Variants in ZNF518A observed in about 807,000 individuals in gnomAD.
ZNF518A encodes the protein zinc finger protein 518A.
Under a neutral mutation model 102.7 loss-of-function variants are expected in ZNF518A, and 47 were observed. That is an observed-to-expected ratio of 0.46 (90% confidence interval 0.36 to 0.58). ZNF518A has a LOEUF of 0.58. ZNF518A is among the 20% of genes least tolerant of loss of function. The pLI, the probability that ZNF518A is intolerant of heterozygous loss-of-function variation, is 0.00. For synonymous variants in ZNF518A, 652 were observed against 594.6 expected (o/e 1.10, Z -1.40); for missense variants, 1,793 against 1,699.8 (o/e 1.05, Z -0.96).
chr10:96,203,251 T>G (rs1214053200), intron 1 of ZNF518A, among the ~76,000 whole-genome samples: 1 of 152,184 alleles, frequency 6.6e-6, no homozygotes, highest in African/African-American at 2.4e-5. Flanking sequence ...AAAAATAAAT[T>G]TCTGTAGCCA....
rs782372300 is a variant in ZNF518A at position 96,160,700 on chromosome 10, A to G, written c.4378A>G (p.Asn1460Asp). The G allele has an allele frequency of 5.6e-6, 9 of 1,612,540 alleles. No individual in the cohort carries two copies. Among genetic ancestry groups the G allele is most frequent in the Non-Finnish European group, 7.6e-6 (9 of 1,179,294 alleles). Residue 1460 changes from asparagine to aspartate, a missense_variant, in exon 6 of 6, where the codon AAT (asparagine) becomes GAT (aspartate). Physicochemically the swap from Asn to Asp is conservative, Grantham distance 23. Coordinates refer to ENST00000316045, the MANE Select transcript of ZNF518A (RefSeq NM_001330736.2). The part of the protein sequence containing the change: ...NCWFCGRVFD[N>D]QDTWAGHGQR... Reference sequence around the variant, plus strand: ...TTGGTTTTGTGGTAGAGTATTTGACAATCAGGATACTTGGGCTGGTCATGG... The same window carrying G: ...TTGGTTTTGTGGTAGAGTATTTGACGATCAGGATACTTGGGCTGGTCATGG...
chr10:96,165,126 C>T (rs2083116912), downstream of ZNF518A, among the ~76,000 whole-genome samples: 1 of 151,860 alleles, frequency 6.6e-6, no homozygotes, highest in Non-Finnish European at 1.5e-5. Context: ...AAAGAAGACC[C>T]ATTTATTTAT....
chr10:96,154,282 C>A (rs2082589608), intron 3 of ZNF518A, among the ~76,000 whole-genome samples: 1 of 152,100 alleles, frequency 6.6e-6, no homozygotes, highest in South Asian at 2.1e-4. Flanking sequence ...CTGCAGTGAG[C>A]CGTGATGGTG....
chr10:96,170,761 G>A (rs1591272445), intron 1 of ZNF518A, among the ~76,000 whole-genome samples: 2 of 152,182 alleles, frequency 1.3e-5, no homozygotes, highest in East Asian at 3.9e-4. Flanking sequence ...GAAAAATATT[G>A]CTTCAATGGA....
chr10:96,198,444 G>A (rs2083532443), intron 1 of ZNF518A, among the ~76,000 whole-genome samples: 1 of 152,098 alleles, frequency 6.6e-6, no homozygotes, highest in Non-Finnish European at 1.5e-5. Flanking sequence ...AATTGATTTG[G>A]AATTATCAAC....
chr10:96,182,377 G>A (rs1318103682), intron 1 of ZNF518A, among the ~76,000 whole-genome samples: 1 of 152,224 alleles, frequency 6.6e-6, no homozygotes, highest in Non-Finnish European at 1.5e-5. Flanking sequence ...TTGAATAGGA[G>A]TGGTGAGAAA....
At position 96,157,498 on chromosome 10, in the gene ZNF518A, G is replaced by T; in HGVS notation, c.1176G>T (p.Lys392Asn). ...AAGCCCCTGAATCAGAGTCAGAGAA[G>T]CCAACTCCTCTGTCCACTGGGCAAG... ...NDKAPESESE[K>N]PTPLSTGQGN... is the part of the protein sequence containing the mutation. The change falls in exon 6 of 6, where the codon AAG becomes AAT. Residue 392 changes from lysine to asparagine, a missense_variant. Lys to Asn is a moderately conservative substitution (Grantham distance 94, BLOSUM62 0). Around this residue, in one of 3 missense-constraint regions of ZNF518A, gnomAD observed 1,741 missense variants for 1,622.6 expected, o/e 1.07. Coordinates refer to ENST00000316045, the MANE Select transcript of ZNF518A (RefSeq NM_001330736.2). 1 of 1,613,812 alleles carries T rather than the reference G, an allele frequency of 6.2e-7. No homozygotes were observed. The highest frequency in any genetic ancestry group is 8.5e-7 in the Non-Finnish European group (1 of 1,179,782).
Position 96,200,587 on chromosome 10 carries a change from T to C in ZNF518A, n.36-2987T>C, listed in dbSNP as rs1554895872. On this transcript the variant is annotated intron_variant and non_coding_transcript_variant, in intron 1 of 2. Coordinates refer to the ZNF518A transcript ENST00000442635. This position sits in a 1 kb window ranked among gnomAD's most constrained non-coding sequence, Gnocchi z 4.3. ...TTTTACATTTTTACATATATTTGTA[T>C]GGAAACTTAGAAAGACTTGCCCAAG... Among the ~76,000 whole-genome samples, 7 of 152,268 alleles carry C rather than the reference T, an allele frequency of 4.6e-5. No homozygotes were observed.
In ZNF518A at chr10:96,157,966, A is replaced by C. The variant is rs782320906; in HGVS notation, c.1644A>C (p.Lys548Asn). 6.2e-7 allele frequency: 1 copy of C among 1,613,842 alleles called. No homozygotes were observed. ...NNMLQTMDYE[K>N]SVSSLSATSE... ...TGCTTCAAACAATGGATTATGAGAA[A>C]AGTGTATCTTCTTTGTCAGCAACAT... Residue 548 changes from lysine to asparagine, a missense_variant, in exon 6 of 6, where the codon AAA becomes AAC. Physicochemically the swap from Lys to Asn is moderately conservative, Grantham distance 94 (BLOSUM62 0). Transcript: ENST00000316045.
chr10:96,168,698 C>T (rs587601879), downstream of ZNF518A, among the ~76,000 whole-genome samples: 4 of 152,210 alleles, frequency 2.6e-5, no homozygotes, highest in South Asian at 2.1e-4. Flanking sequence ...ATCTGGCCTC[C>T]GTGATTTCTG....
chr10:96,159,960 C>A lies in ZNF518A; in HGVS notation c.3638C>A (p.Thr1213Lys), dbSNP rs1436177581. 26 of 1,613,496 alleles carry A rather than the reference C, an allele frequency of 1.6e-5. No individual in the cohort carries two copies. The highest frequency in any genetic ancestry group is 2.2e-5 in the Non-Finnish European group (26 of 1,179,676). ...GAAATTGTGATAACTTCTACTGCAA[C>A]ATGCCCAGAATCTTCTGAGGAACCA... ...ANEIVITSTA[T>K]CPESSEEPIC... Residue 1213 changes from threonine (T) to lysine (K), a missense_variant, in exon 6 of 6, where the codon ACA (threonine) becomes AAA (lysine). This residue lies in a region of ZNF518A where 1,741 missense variants were observed against 1,622.6 expected (regional missense o/e 1.07). Coordinates refer to ENST00000316045, the MANE Select transcript of ZNF518A (RefSeq NM_001330736.2).
chr10:96,161,053 T>G lies in ZNF518A; in HGVS notation c.*279T>G. The G allele has an allele frequency of 3.5e-6, 1 of 286,070 alleles. No homozygotes were observed. The highest frequency in any genetic ancestry group is 6.8e-6 in the Non-Finnish European group (1 of 146,962). 17.7% of individuals were successfully genotyped at this position (286,070 alleles called of 1,614,324 possible). A position where few individuals can be genotyped will look rare whatever the true frequency, so the allele number is the denominator to read the frequency against. Reference sequence around the variant, plus strand: ...TCGGGAAGTTAGGGCTAAAGAAAATTTTGATAAAACAATTTTCCCACTTTA... The same window carrying G: ...TCGGGAAGTTAGGGCTAAAGAAAATGTTGATAAAACAATTTTCCCACTTTA... On this transcript the variant is annotated 3_prime_UTR_variant, in exon 6 of 6. Transcript: ENST00000316045.
intron 1 of ZNF518A, among the ~76,000 whole-genome samples, chr10:96,185,081 C>T (rs1407656018): frequency 1.3e-5 from 2 of 152,142 alleles, no homozygotes; most frequent in African/African-American, 2.4e-5. Flanking sequence ...CCCTTTCTTC[C>T]CTTGATCGAA....
chr10:96,165,282 A>G (rs1380568598), downstream of ZNF518A, among the ~76,000 whole-genome samples: 1 of 152,058 alleles, frequency 6.6e-6, no homozygotes, highest in African/African-American at 2.4e-5. Context: ...TAATTTTCAT[A>G]TTTTTAGTAG....
intron 1 of ZNF518A, among the ~76,000 whole-genome samples, chr10:96,197,675 T>A (rs587702585): frequency 3.6e-4 from 55 of 152,208 alleles, no homozygotes; most frequent in Non-Finnish European, 6.6e-4. Context: ...AAAACTTTCA[T>A]TTTATATTTG....
chr10:96,157,110 C>G lies in ZNF518A; in HGVS notation c.788C>G (p.Thr263Ser), dbSNP rs1176473304. Residue 263 changes from threonine (T) to serine (S), a missense_variant, in exon 6 of 6, where the codon ACT becomes AGT. By Grantham distance (58) the Thr-to-Ser change is moderately conservative. Coordinates refer to ENST00000316045, the MANE Select transcript of ZNF518A (RefSeq NM_001330736.2). Reference sequence around the variant, plus strand: ...ATTCATTCTGGTACTTTTCCCTTCACTTGTCAATATTGTAGCTATGGTGCC... The same window carrying G: ...ATTCATTCTGGTACTTTTCCCTTCAGTTGTCAATATTGTAGCTATGGTGCC... ...LHIHSGTFPF[T>S]CQYCSYGATR... The G allele has an allele frequency of 6.2e-7, 1 of 1,613,820 alleles. No individual in the cohort carries two copies. Among genetic ancestry groups the G allele is most frequent in the Non-Finnish European group, 8.5e-7 (1 of 1,179,788 alleles).
At chr10:96,203,048 C>T (rs1392073216) in intron 1 of ZNF518A, among the ~76,000 whole-genome samples, 2 of 152,074 alleles carry the variant, frequency 1.3e-5, no homozygotes, top group Admixed American at 6.5e-5. Context: ...ATTATTTGTG[C>T]GTTTATTTTT....
intron 3 of ZNF518A, among the ~76,000 whole-genome samples, chr10:96,154,460 T>C (rs1460665808): frequency 6.7e-6 from 1 of 149,800 alleles, no homozygotes; most frequent in Non-Finnish European, 1.5e-5. Context: ...CCTGCCTTCT[T>C]TTCTTTTTTT....
At position 96,200,955 on chromosome 10, in the gene ZNF518A, T is replaced by G; in HGVS notation, n.36-2619T>G. The G allele has an allele frequency of 6.3e-7, 1 of 1,598,654 alleles. No homozygotes were observed. Among genetic ancestry groups the G allele is most frequent in the African/African-American group, 1.3e-5 (1 of 74,692 alleles). ...TTCCTGCAGTTTCCTGGTAACAATT[T>G]AGTGACATCAAGAGTTCATTTCATA... is the stretch of plus-strand genomic sequence containing the variant. On this transcript the variant is annotated intron_variant and non_coding_transcript_variant, in intron 1 of 2. Transcript: ENST00000442635. The surrounding 1 kb of genome is among the most constrained non-coding windows in gnomAD (Gnocchi z 4.3).
Sources: gnomAD v4.1 joint callset for allele counts (sites outside exome capture counted in the v4.1 genomes callset) on GRCh38, gnomAD v4.1.1 for gene constraint, gnomAD v4.1.1 regional missense constraint, Gnocchi (gnomAD v3.1) non-coding constraint, MANE v1.5 for transcripts, NCBI Gene and HGNC (gene_info 2026-07-23, HGNC 2026-07-21) for gene names.